RIMS4: variants seen among roughly 807,000 people sequenced by gnomAD.
The protein encoded by RIMS4 is regulating synaptic membrane exocytosis 4, also known as regulating synaptic membrane exocytosis protein 4.
In RIMS4, 9 loss-of-function variants were observed where a neutral mutation model predicts 29.0. That is an observed-to-expected ratio of 0.31 (90% CI 0.19 to 0.54). The LOEUF is 0.54. Ranked by LOEUF, RIMS4 falls within the 20% of genes least tolerant of loss-of-function variation. The probability of loss-of-function intolerance (pLI) is 0.94; values close to 1 mark genes in which losing one functional copy is unlikely to be tolerated. For missense variants in RIMS4, 193 were observed against 365.7 expected, an observed-to-expected ratio of 0.53 and a Z score of 3.85; for synonymous variants, 130 against 152.9, an observed-to-expected ratio of 0.85 and a Z score of 1.10.
intron 1 of RIMS4, among the ~76,000 whole-genome samples, chr20:44,785,734 A>C (rs960952894): frequency 6.7e-6 from 1 of 149,370 alleles, no homozygotes; most frequent in East Asian, 2.0e-4. Context: ...TAGATTGGGG[A>C]TGATACATAG....
intron 1 of RIMS4, among the ~76,000 whole-genome samples, chr20:44,791,944 A>G (rs2066234462): frequency 6.6e-6 from 1 of 151,906 alleles, no homozygotes; most frequent in Non-Finnish European, 1.5e-5. Flanking sequence ...CCCCACTGAG[A>G]CGTAAATAAA....
At chr20:44,805,071 G>A (rs114365643) in intron 1 of RIMS4, among the ~76,000 whole-genome samples, 130 of 152,176 alleles carry the variant, frequency 8.5e-4, no homozygotes, top group African/African-American at 3.0e-3. Flanking sequence ...AGTCCAAGAC[G>A]GGAGGATCGT....
At chr20:44,786,444 C>T (rs1379388033) in intron 1 of RIMS4, among the ~76,000 whole-genome samples, 1 of 152,228 alleles carries the variant, frequency 6.6e-6, no homozygotes, top group African/African-American at 2.4e-5. Context: ...AGTCCCTATC[C>T]TGCTGCACCC....
At chr20:44,798,414 C>G (rs1008421257) in intron 1 of RIMS4, among the ~76,000 whole-genome samples, 1 of 152,234 alleles carries the variant, frequency 6.6e-6, no homozygotes, top group Non-Finnish European at 1.5e-5. Flanking sequence ...AATGTAATGA[C>G]TATGCCCACC....
chr20:44,763,341 G>A (rs903599106), intron 2 of RIMS4, among the ~76,000 whole-genome samples: 1 of 152,188 alleles, frequency 6.6e-6, no homozygotes, highest in Non-Finnish European at 1.5e-5. Flanking sequence ...GCTAGTGTAG[G>A]CAAGGTGCTT....
At chr20:44,803,924 G>A (rs1409108363) in intron 1 of RIMS4, among the ~76,000 whole-genome samples, 1 of 152,172 alleles carries the variant, frequency 6.6e-6, no homozygotes, top group African/African-American at 2.4e-5. Context: ...GCAGGGTGGT[G>A]GACCCTGGTG....
intron 1 of RIMS4, among the ~76,000 whole-genome samples, chr20:44,797,611 G>A (rs1478770818): frequency 6.6e-6 from 1 of 152,204 alleles, no homozygotes; most frequent in Non-Finnish European, 1.5e-5. Flanking sequence ...GTTTCAGGTG[G>A]TTTGCCCTAA....
intron 2 of RIMS4, 48 bp from the exon 3 acceptor site, chr20:44,758,232 C>G: frequency 1.5e-6 from 2 of 1,367,558 alleles, no homozygotes; most frequent in Non-Finnish European, 2.0e-6. Context: ...AGTGGTTTAC[C>G]AACAACTCTG....
intron 2 of RIMS4, among the ~76,000 whole-genome samples, chr20:44,764,260 A>ATCCATTTATCCATCCATC (rs1555859479): frequency 6.6e-6 from 1 of 151,786 alleles, no homozygotes; most frequent in Admixed American, 6.6e-5. Flanking sequence ...CCATCCTCCC[A>ATCCATTTATCCATCCATC]CAAACTCACC....
intron 2 of RIMS4, among the ~76,000 whole-genome samples, chr20:44,769,239 C>T (rs1244132239): frequency 1.3e-5 from 2 of 152,200 alleles, no homozygotes; most frequent in Non-Finnish European, 2.9e-5. Flanking sequence ...CTCGTTTCTT[C>T]CTCATAACAC....
At chr20:44,803,682 G>C (rs530005656) in intron 1 of RIMS4, among the ~76,000 whole-genome samples, 2 of 152,286 alleles carry the variant, frequency 1.3e-5, no homozygotes, top group African/African-American at 2.4e-5. Flanking sequence ...AAAAAGGGGA[G>C]GGGGGATGGC....
chr20:44,769,491 A>C (rs1050990336), intron 2 of RIMS4, among the ~76,000 whole-genome samples: 1 of 152,148 alleles, frequency 6.6e-6, no homozygotes, highest in Admixed American at 6.5e-5. Flanking sequence ...CAGGATTAGG[A>C]CCTGAGCTTC....
At chr20:44,781,822 TG>T (rs1404179984) in intron 1 of RIMS4, among the ~76,000 whole-genome samples, 2 of 152,172 alleles carry the variant, frequency 1.3e-5, no homozygotes, top group Non-Finnish European at 2.9e-5. Context: ...AACTGGGTTG[TG>T]GGCAAAAGGT....
At chr20:44,809,283 G>A (rs1039146655) in intron 1 of RIMS4, among the ~76,000 whole-genome samples, 41 of 152,126 alleles carry the variant, frequency 2.7e-4, no homozygotes, top group African/African-American at 9.9e-4. Flanking sequence ...ACCTGTTGGT[G>A]GATTCCCTTC....
At chr20:44,803,456 G>C (rs944658871) in intron 1 of RIMS4, among the ~76,000 whole-genome samples, 4 of 152,190 alleles carry the variant, frequency 2.6e-5, no homozygotes, top group African/African-American at 9.6e-5. Flanking sequence ...TCCATCCAGA[G>C]AAGGCAGCTG....
At chr20:44,777,955 C>T (rs945147073) in intron 1 of RIMS4, among the ~76,000 whole-genome samples, 1 of 152,256 alleles carries the variant, frequency 6.6e-6, no homozygotes, top group East Asian at 1.9e-4. Context: ...CCCCTTCCCA[C>T]AGCCACTACT....
At chr20:44,787,044 G>A (rs2066211604) in intron 1 of RIMS4, among the ~76,000 whole-genome samples, 1 of 152,222 alleles carries the variant, frequency 6.6e-6, no homozygotes, top group South Asian at 2.1e-4. Context: ...GAGGATGCTA[G>A]AAGGCAATAA....
In RIMS4 at chr20:44,756,158, C is replaced by T; in HGVS notation, c.786G>A (p.Val262=). 1 of 1,611,832 alleles carries T rather than the reference C, an allele frequency of 6.2e-7. No individual in the cohort carries two copies. The highest frequency in any genetic ancestry group is 8.5e-7 in the Non-Finnish European group (1 of 1,179,052). ...QASQLSLEST[V]GPCGERS ...ACTAAGATCGTTCTCCGCAGGGCCC[C>T]ACGGTGCTCTCGAGGGACAACTGGG... The change falls in exon 6 of 6, where the codon GTG becomes GTA. Residue 262 remains valine (V), a synonymous_variant. Coordinates refer to ENST00000372851, the MANE Select transcript of RIMS4 (RefSeq NM_182970.4). This position sits in a 1 kb window ranked among gnomAD's most constrained non-coding sequence, Gnocchi z 5.9.
chr20:44,765,419 A>G (rs2066109443), intron 2 of RIMS4, among the ~76,000 whole-genome samples: 1 of 152,204 alleles, frequency 6.6e-6, no homozygotes, highest in Non-Finnish European at 1.5e-5. Context: ...ACAATAGGAT[A>G]ATCCCAGTGC....
Sources: allele counts gnomAD v4.1 joint callset (sites outside exome capture counted in the v4.1 genomes callset), GRCh38; gene constraint gnomAD v4.1.1; non-coding constraint Gnocchi (gnomAD v3.1); transcripts MANE v1.5; gene names NCBI Gene and HGNC (gene_info 2026-07-23, HGNC 2026-07-21).